SHMT1: variants seen among roughly 807,000 people sequenced by gnomAD.
SHMT1 encodes the protein serine hydroxymethyltransferase 1, also known as serine hydroxymethyltransferase, cytosolic.
In SHMT1, 45 loss-of-function variants were observed where a neutral mutation model predicts 49.0. The ratio of observed to expected loss-of-function variants is 0.92; its 90% confidence interval spans 0.72 to 1.18. The LOEUF is 1.18. SHMT1 is among the 50% of genes most tolerant of loss of function. The probability of loss-of-function intolerance (pLI) is 0.00; values close to 1 mark genes in which losing one functional copy is unlikely to be tolerated. For synonymous variants in SHMT1, 232 were observed against 246.6 expected (o/e 0.94, Z 0.55); for missense variants, 541 against 612.4 (o/e 0.88, Z 1.23).
chr17:18,339,885 A>G (rs1264709617), intron 7 of SHMT1, among the ~76,000 whole-genome samples, 158 bp downstream of exon 7: 1 of 152,168 alleles, frequency 6.6e-6, no homozygotes, highest in Non-Finnish European at 1.5e-5. Context: ...AAAGCCTGTC[A>G]CTGCTCCTTC....
At chr17:18,348,910 T>C (rs1207363408) in intron 3 of SHMT1, among the ~76,000 whole-genome samples, 1 of 144,226 alleles carries the variant, frequency 6.9e-6, no homozygotes, top group Non-Finnish European at 1.5e-5. Flanking sequence ...GCCCAGGAGG[T>C]AAAGGCTGCA....
chr17:18,362,322 C>T (rs1986849901), intron 1 of SHMT1, among the ~76,000 whole-genome samples: 2 of 151,954 alleles, frequency 1.3e-5, no homozygotes, highest in African/African-American at 2.4e-5. Flanking sequence ...TTTTCTTTCT[C>T]TCTCTTTCTT....
rs1466142904 is a variant in SHMT1, at chr17:18,353,801, TTAA to T, written c.110_112del (p.Ile37del). The T allele has an allele frequency of 6.2e-7, 1 of 1,614,206 alleles. No homozygotes were observed. Among genetic ancestry groups the T allele is most frequent in the South Asian group, 1.1e-5 (1 of 91,088 alleles). The stretch of plus-strand genomic sequence containing the variant: ...AACCCTCTGCCGGTTACTCTCCTTC[TTAA>T]TGATGTTGTAAACCTTATGAGAAGA... On this transcript the variant is annotated inframe_deletion, in exon 3 of 12. Transcript: ENST00000316694.
Position 18,340,681 on chromosome 17 carries a change from A to G in SHMT1, c.601+51T>C. 1 of 1,471,524 alleles carries G rather than the reference A, an allele frequency of 6.8e-7. No individual in the cohort carries two copies. Among genetic ancestry groups the G allele is most frequent in the South Asian group, 1.2e-5 (1 of 83,882 alleles). 91.2% of individuals were successfully genotyped at this position (1,471,524 alleles called of 1,614,324 possible). On this transcript the variant is annotated intron_variant, in intron 6 of 11. Coordinates refer to ENST00000316694, the MANE Select transcript of SHMT1 (RefSeq NM_004169.5). This position sits in a 1 kb window ranked among gnomAD's most constrained non-coding sequence, Gnocchi z 4.5. ...AACATCTTTCCATCCTCATTCTGTA[A>G]GAGGCACCAGGCTACTGGTGAACAA...
chr17:18,354,782 G>A (rs1252664562), intron 2 of SHMT1, among the ~76,000 whole-genome samples: 3 of 151,440 alleles, frequency 2.0e-5, no homozygotes, highest in Non-Finnish European at 4.4e-5. Context: ...GCTCACGCCT[G>A]TAATCCCAGC....
At chr17:18,338,923 T>A (rs1365149804) in intron 7 of SHMT1, among the ~76,000 whole-genome samples, 1 of 151,792 alleles carries the variant, frequency 6.6e-6, no homozygotes, top group African/African-American at 2.4e-5. Flanking sequence ...AGCCGCAGGG[T>A]CCTCTGCCTA....
At chr17:18,350,791 G>A (rs959175323) in intron 3 of SHMT1, among the ~76,000 whole-genome samples, 1 of 151,502 alleles carries the variant, frequency 6.6e-6, no homozygotes, top group African/African-American at 2.4e-5. Flanking sequence ...GGAGTGCAGT[G>A]GTGCGATCTC....
chr17:18,347,453 G>C (rs370140138), intron 5 of SHMT1, 43 bp downstream of exon 5: 36 of 1,607,982 alleles, frequency 2.2e-5, no homozygotes, highest in Middle Eastern at 2.0e-4. Flanking sequence ...AGCATCAGAG[G>C]TTTCCCAAGG....
chr17:18,328,842 C>T lies in SHMT1; in HGVS notation c.1360G>A (p.Gly454Arg), dbSNP rs1982848918. 2 of 1,613,734 alleles carry T rather than the reference C, an allele frequency of 1.2e-6. No homozygotes were observed. The highest frequency in any genetic ancestry group is 3.3e-5 in the Admixed American group (2 of 60,000). Residue 454 changes from glycine to arginine, a missense_variant, in exon 12 of 12, where the codon GGG (glycine) becomes AGG (arginine). Transcript: ENST00000316694. ...TGCACGGCCGCCTGGTACTTATCCC[C>T]TGCCAGTCTCTCCTTGAACTCTTTC... Reference protein sequence around the residue: ...TLKEFKERLAGDKYQAAVQAL... With the variant: ...TLKEFKERLARDKYQAAVQAL...
At chr17:18,350,083 C>A (rs1985523832) in intron 3 of SHMT1, among the ~76,000 whole-genome samples, 1 of 152,230 alleles carries the variant, frequency 6.6e-6, no homozygotes, top group East Asian at 1.9e-4. Context: ...AATCCCAGCA[C>A]TTTCGGAGGC....
intron 3 of SHMT1, 113 bp downstream of exon 3, chr17:18,353,559 C>G: frequency 1.8e-6 from 2 of 1,120,354 alleles, no homozygotes; most frequent in Non-Finnish European, 2.7e-6. Context: ...AACAGAAATC[C>G]TACAGCTGGG....
chr17:18,333,112 A>G (rs1406500830), intron 9 of SHMT1, 54 bp downstream of exon 9: 1 of 1,608,974 alleles, frequency 6.2e-7, no homozygotes, highest in African/African-American at 1.3e-5. Context: ...ACTGAGAAGC[A>G]AGCCTTAATA....
Position 18,328,644 on chromosome 17 carries a change from T to C in SHMT1, c.*106A>G. On this transcript the variant is annotated 3_prime_UTR_variant, in exon 12 of 12. Coordinates refer to ENST00000316694, the MANE Select transcript of SHMT1 (RefSeq NM_004169.5). ...AAGAAACCCCCTCAAAGGGCCCGAG[T>C]GTCAACAGTTCCCCTTTGGAGCAGC... 1 of 1,255,860 alleles carries C rather than the reference T, an allele frequency of 8.0e-7. No homozygotes were observed. The highest frequency in any genetic ancestry group is 1.3e-5 in the South Asian group (1 of 77,380). 77.8% of individuals were successfully genotyped at this position (1,255,860 alleles called of 1,614,324 possible).
At chr17:18,353,618 CT>C in intron 3 of SHMT1, 53 bp downstream of exon 3, 1 of 1,585,734 alleles carries the variant, frequency 6.3e-7, no homozygotes, top group East Asian at 2.2e-5. Context: ...CCTAGGCTGA[CT>C]GAGTACTCCC....
intron 7 of SHMT1, among the ~76,000 whole-genome samples, chr17:18,339,129 C>T (rs4924848): frequency 0.056 from 8,270 of 148,808 alleles, 619 homozygotes; most frequent in African/African-American, 0.17. Flanking sequence ...GCAAAGTTGG[C>T]GCATCAGGTC....
At chr17:18,335,487 C>T in intron 8 of SHMT1, 72 bp downstream of exon 8, 1 of 1,063,462 alleles carries the variant, frequency 9.4e-7, no homozygotes, top group Non-Finnish European at 1.5e-6. Flanking sequence ...GAAGTCCTGG[C>T]ACACGATTTT....
At chr17:18,344,029 G>A (rs915815122) in intron 5 of SHMT1, among the ~76,000 whole-genome samples, 1 of 152,060 alleles carries the variant, frequency 6.6e-6, no homozygotes, top group Non-Finnish European at 1.5e-5. Flanking sequence ...CAGGGAAGAG[G>A]AGATGTGCAG....
intron 5 of SHMT1, among the ~76,000 whole-genome samples, chr17:18,343,794 C>A (rs1984787921): frequency 6.6e-6 from 1 of 150,888 alleles, no homozygotes; most frequent in Non-Finnish European, 1.5e-5. Flanking sequence ...GTGGCATGCG[C>A]CTCTAGTCCC....
At chr17:18,358,150 T>TA (rs775035265) in intron 1 of SHMT1, among the ~76,000 whole-genome samples, 55,754 of 113,200 alleles carry the variant, frequency 0.49, 14,556 homozygotes, top group East Asian at 0.76. Flanking sequence ...CTAGGACTCT[T>TA]AAAAAAAAAA....
Sources: allele counts gnomAD v4.1 joint callset (sites outside exome capture counted in the v4.1 genomes callset), GRCh38; gene constraint gnomAD v4.1.1; non-coding constraint Gnocchi (gnomAD v3.1); transcripts MANE v1.5; gene names NCBI Gene and HGNC (gene_info 2026-07-23, HGNC 2026-07-21).